Variants in PRSS48 observed in about 807,000 individuals in gnomAD.
The protein encoded by PRSS48 is serine protease 48.
A neutral mutation model predicts 25.6 loss-of-function variants in PRSS48; 21 were observed. The ratio of observed to expected loss-of-function variants is 0.82; its 90% CI spans 0.58 to 1.18. The LOEUF is 1.18. Ranked by LOEUF, PRSS48 falls within the 50% of genes most tolerant of loss-of-function variation. The pLI is 0.00. For missense variants in PRSS48, 373 were observed against 399.3 expected (o/e 0.93, Z 0.56); for synonymous variants, 150 against 149.3 (o/e 1.00, Z -0.04).
rs1561427996 is a variant in PRSS48 at position 151,282,137 on chromosome 4, T to C, written c.216-11T>C. On this transcript the variant is annotated splice_polypyrimidine_tract_variant and intron_variant, in intron 2 of 4. Coordinates refer to ENST00000455694, the Ensembl canonical transcript of PRSS48. ...CAGGCCATAAGCAGGCCTCCTTTCTTTTCCCCATAGGACCTGGACTACTTT... is the reference window on the plus strand; with the variant it reads ...CAGGCCATAAGCAGGCCTCCTTTCTCTTCCCCATAGGACCTGGACTACTTT... The C allele has an allele frequency of 3.1e-6, 5 of 1,612,404 alleles. No individual in the cohort carries two copies. Among genetic ancestry groups the C allele is most frequent in the East Asian group, 2.2e-5 (1 of 44,858 alleles).
chr4:151,279,880 A>C (rs559376143), exon 2 of PRSS48: 4 of 1,491,828 alleles, frequency 2.7e-6, no homozygotes, highest in East Asian at 2.2e-5. Flanking sequence ...GTCAGCCTAC[A>C]CTTTGACCAC....
intron 3 of PRSS48, 60 bp downstream of exon 3, chr4:151,282,473 T>A: frequency 6.4e-7 from 1 of 1,561,498 alleles, no homozygotes; most frequent in Non-Finnish European, 8.8e-7. Context: ...TCCAGAACAT[T>A]CATATTCTAG....
chr4:151,283,256 T>C (rs756408795), exon 4 of PRSS48: 1 of 1,613,704 alleles, frequency 6.2e-7, no homozygotes, highest in South Asian at 1.1e-5. Flanking sequence ...TTTGTGCTGG[T>C]GATACTCAAA....
At chr4:151,280,366 C>T (rs140504214) in intron 2 of PRSS48, among the ~76,000 whole-genome samples, 16 of 152,234 alleles carry the variant, frequency 1.1e-4, no homozygotes, top group Admixed American at 2.6e-4. Flanking sequence ...AGCCTACCAA[C>T]GTGAGTTTGG....
chr4:151,283,508 CTTT>C (rs5862956), intron 4 of PRSS48, among the ~76,000 whole-genome samples: 112 of 126,510 alleles, frequency 8.9e-4, no homozygotes, highest in Non-Finnish European at 9.6e-4. Flanking sequence ...GGTCATTGGA[CTTT>C]TTTTTTTTTT....
chr4:151,277,330 T>C (rs1773729551), intron 1 of PRSS48, 106 bp downstream of exon 1: 1 of 860,424 alleles, frequency 1.2e-6, no homozygotes, highest in Non-Finnish European at 1.6e-6. Context: ...TAGTTATGAG[T>C]AGCACAGCCT....
Position 151,282,453 on chromosome 4 carries a change from C to A in PRSS48, c.481+40C>A, listed in dbSNP as rs770141431. ...AGAGAAGGGTTGTTTCATATGTCAT[C>A]CTCTTGTACTCCAGAACATTCATAT... On this transcript the variant is annotated intron_variant, in intron 3 of 4. Transcript: ENST00000455694. 5 of 1,602,948 alleles carry A rather than the reference C, an allele frequency of 3.1e-6. No homozygotes were observed. In the African/African-American group the frequency reaches 6.7e-5, roughly 21 times the overall value.
At chr4:151,287,870 A>AC (rs1287926090) in intron 4 of PRSS48, among the ~76,000 whole-genome samples, 1 of 152,062 alleles carries the variant, frequency 6.6e-6, no homozygotes, top group Non-Finnish European at 1.5e-5. Flanking sequence ...ACAAAGTGAG[A>AC]CCCCTCTCTC....
At chr4:151,282,478 T>A (rs550679535) in intron 3 of PRSS48, 65 bp downstream of exon 3, 1 of 1,540,502 alleles carries the variant, frequency 6.5e-7, no homozygotes, top group African/African-American at 1.4e-5. Flanking sequence ...AACATTCATA[T>A]TCTAGGCATA....
intron 1 of PRSS48, chr4:151,279,132 C>T: frequency 2.3e-6 from 1 of 435,638 alleles, no homozygotes; most frequent in Non-Finnish European, 4.5e-6. Flanking sequence ...CCAAGGCCAG[C>T]ACCCTGCAGC....
chr4:151,290,632 C>T (rs571588173), intron 4 of PRSS48, among the ~76,000 whole-genome samples: 2 of 152,174 alleles, frequency 1.3e-5, no homozygotes, highest in East Asian at 3.9e-4. Context: ...TTGTACAACA[C>T]TGTAAATATA....
rs779996281 is a variant in PRSS48 at position 151,279,940 on chromosome 4, C to A, written c.197C>A (p.Ala66Glu). 4.4e-6 allele frequency: 7 copies of A among 1,609,110 alleles called. No homozygotes were observed. In the East Asian group the frequency reaches 1.6e-4, roughly 36 times the overall value. Reference sequence around the variant, plus strand: ...GTCAGTGAGAGGTTGATACTGACAGCAGCACACTGCATACAACCGTGAGTT... The same window carrying A: ...GTCAGTGAGAGGTTGATACTGACAGAAGCACACTGCATACAACCGTGAGTT... The change falls in exon 2 of 5, where the codon GCA becomes GAA. Residue 66 changes from alanine (A) to glutamate (E), a missense_variant. Ala to Glu is a moderately radical substitution (Grantham distance 107). Transcript: ENST00000455694.
At chr4:151,286,623 A>T (rs1299286711) in intron 4 of PRSS48, among the ~76,000 whole-genome samples, 1 of 151,560 alleles carries the variant, frequency 6.6e-6, no homozygotes, top group Admixed American at 6.6e-5. Context: ...AAAACTACGA[A>T]GAAATAAAAG....
At chr4:151,278,867 G>A (rs376267315) in intron 1 of PRSS48, among the ~76,000 whole-genome samples, 4 of 152,044 alleles carry the variant, frequency 2.6e-5, no homozygotes, top group Non-Finnish European at 4.4e-5. Flanking sequence ...TCCTGGACTT[G>A]AGCAATCCAC....
chr4:151,290,755 G>T (rs1775245944), intron 4 of PRSS48, among the ~76,000 whole-genome samples: 1 of 152,128 alleles, frequency 6.6e-6, no homozygotes. Flanking sequence ...TATCATTTTA[G>T]GTAAGAATGG....
intron 4 of PRSS48, 58 bp from the exon 5 acceptor site, chr4:151,291,060 C>CTTCTCTCTT: frequency 7.4e-7 from 1 of 1,343,336 alleles, no homozygotes; most frequent in African/African-American, 1.4e-5. Flanking sequence ...CCCCTTATTA[C>CTTCTCTCTT]TACTCTCTTC....
At chr4:151,291,227 A>G (rs1178941073) in exon 5 of PRSS48, 6 of 1,613,918 alleles carry the variant, frequency 3.7e-6, no homozygotes, top group Admixed American at 1.7e-5. Flanking sequence ...GTCTACACCA[A>G]TGTAATCTAC....
chr4:151,278,408 C>T (rs1258956023), intron 1 of PRSS48, among the ~76,000 whole-genome samples: 2 of 128,502 alleles, frequency 1.6e-5, no homozygotes, highest in Admixed American at 7.3e-5. Context: ...GCTGGGACTA[C>T]AGGTGTGGTT....
chr4:151,279,522 A>C (rs535451411), intron 1 of PRSS48, among the ~76,000 whole-genome samples: 3 of 152,202 alleles, frequency 2.0e-5, no homozygotes, highest in Non-Finnish European at 4.4e-5. Flanking sequence ...GTGAATCTAG[A>C]TATTAGATGT....
Sources: gnomAD v4.1 joint callset for allele counts (sites outside exome capture counted in the v4.1 genomes callset) on GRCh38, gnomAD v4.1.1 for gene constraint, MANE v1.5 for transcripts, NCBI Gene and HGNC (gene_info 2026-07-23, HGNC 2026-07-21) for gene names.